The following CEMIP variants were observed in gnomAD, a reference collection of about 807,000 sequenced individuals.
The protein encoded by CEMIP is cell migration-inducing and hyaluronan-binding protein.
Under a neutral mutation model 156.9 loss-of-function variants are expected in CEMIP, and 105 were observed. The observed-to-expected ratio is 0.67, with a 90% CI of 0.57 to 0.79. The LOEUF (loss-of-function observed/expected upper bound fraction) is 0.79, where lower values mean the gene tolerates loss of function less well. Ranked by LOEUF, CEMIP falls within the 30% of genes least tolerant of loss-of-function variation. The pLI, the probability that CEMIP is intolerant of heterozygous loss-of-function variation, is 0.00. For missense variants in CEMIP, 1,457 were observed against 1,769.4 expected, an observed-to-expected ratio of 0.82 and a Z score of 3.17; for synonymous variants, 676 against 668.4, an observed-to-expected ratio of 1.01 and a Z score of -0.17.
At chr15:80,808,527 G>A (rs1405324128) in intron 1 of CEMIP, among the ~76,000 whole-genome samples, 2 of 152,060 alleles carry the variant, frequency 1.3e-5, no homozygotes, top group East Asian at 3.9e-4. Context: ...TAACAAGCCA[G>A]GATACAGTGG....
chr15:80,833,492 G>A (rs1897201417), intron 1 of CEMIP, among the ~76,000 whole-genome samples: 2 of 152,160 alleles, frequency 1.3e-5, no homozygotes, highest in Admixed American at 6.5e-5. Flanking sequence ...AAGGAATCAG[G>A]TTATATCCAA....
rs879379542 is a variant in CEMIP, at chr15:80,925,924, C to CA, written c.2420+177dup. On this transcript the variant is annotated intron_variant, in intron 19 of 29. Transcript: ENST00000394685. ...GCATAGAATGGCAGCAGGCAGTGGCCAAAAAAAACAAAACCTAAAAGCAGC... is the reference window on the plus strand; with the variant it reads ...GCATAGAATGGCAGCAGGCAGTGGCCAAAAAAAAACAAAACCTAAAAGCAGC... Among the ~76,000 whole-genome samples the CA allele has an allele frequency of 1.6e-4, 24 of 151,278 alleles. No homozygotes were observed. In the East Asian group the frequency reaches 2.5e-3, roughly 16 times the overall value.
At chr15:80,948,622 CAT>C (rs1415394473) in intron 29 of CEMIP, 173 bp from the exon 30 acceptor site, 8 of 839,620 alleles carry the variant, frequency 9.5e-6, no homozygotes, top group Non-Finnish European at 1.6e-5. Flanking sequence ...CATACAAACA[CAT>C]GTCAGGCACC....
chr15:80,804,897 T>C (rs1896474311), intron 1 of CEMIP, among the ~76,000 whole-genome samples: 1 of 152,158 alleles, frequency 6.6e-6, no homozygotes, highest in Non-Finnish European at 1.5e-5. Flanking sequence ...AATAAGGTTT[T>C]GGAAAGGCTT....
chr15:80,848,900 G>GCACACACA (rs3221932), intron 1 of CEMIP, among the ~76,000 whole-genome samples: 3,971 of 134,420 alleles, frequency 0.03, 127 homozygotes, highest in East Asian at 0.073. Flanking sequence ...GTGTGCGCGT[G>GCACACACA]CACACACACA....
rs529567560 is a variant in CEMIP, at chr15:80,839,521, G to A, written c.-175-34017G>A. Among the ~76,000 whole-genome samples, 8 of 152,250 alleles carry A rather than the reference G, an allele frequency of 5.3e-5. 1 individual carries two copies. The South Asian group carries it at 8.3e-4, about 16-fold the overall frequency. On this transcript the variant is annotated intron_variant, in intron 1 of 29. Transcript: ENST00000394685. ...CACCCGCAGCAGCAGCAGCGAAGCCGGCCAGACCTCCTGGCCTTCCTCACA... is the reference window on the plus strand; with the variant it reads ...CACCCGCAGCAGCAGCAGCGAAGCCAGCCAGACCTCCTGGCCTTCCTCACA...
rs545780007 is a variant in CEMIP, at chr15:80,825,175, A to G, written c.-176+45561A>G. 5.3e-5 allele frequency among the ~76,000 whole-genome samples: 8 copies of G among 152,320 alleles called. No individual in the cohort carries two copies. In the East Asian group the frequency reaches 9.6e-4, roughly 18 times the overall value. On this transcript the variant is annotated intron_variant, in intron 1 of 29. Transcript: ENST00000394685. Reference sequence around the variant, plus strand: ...TTGAGAGGTCTTGATATCACCATTTATAGGTGAAGACAATAACTAAGAGTT... The same window carrying G: ...TTGAGAGGTCTTGATATCACCATTTGTAGGTGAAGACAATAACTAAGAGTT...
At chr15:80,869,545 G>C (rs557774427) in intron 1 of CEMIP, among the ~76,000 whole-genome samples, 1 of 152,316 alleles carries the variant, frequency 6.6e-6, no homozygotes, top group South Asian at 2.1e-4. Context: ...AAGAGTGACT[G>C]TCTAGATTGT....
intron 1 of CEMIP, among the ~76,000 whole-genome samples, chr15:80,808,720 TA>T (rs1008240694): frequency 1.5e-4 from 19 of 123,214 alleles, no homozygotes; most frequent in South Asian, 5.0e-4. Context: ...CACTCCACAA[TA>T]AAAAAAAAAT....
intron 3 of CEMIP, among the ~76,000 whole-genome samples, chr15:80,876,894 G>A (rs754412421): frequency 8.0e-4 from 122 of 152,330 alleles, no homozygotes; most frequent in Middle Eastern, 3.4e-3. Context: ...GTATTAGTCT[G>A]TTTTCATGCT....
intron 28 of CEMIP, chr15:80,946,562 A>G (rs1037582163): frequency 1.0e-5 from 2 of 196,502 alleles, no homozygotes; most frequent in Non-Finnish European, 2.1e-5. Flanking sequence ...CCATCACCAC[A>G]TTTCTATCTG....
At chr15:80,842,159 G>A (rs2141710857) in intron 1 of CEMIP, 1 of 489,684 alleles carries the variant, frequency 2.0e-6, no homozygotes, top group South Asian at 1.6e-5. Flanking sequence ...ATTTGTACGT[G>A]TATTATATAT....
In CEMIP at chr15:80,807,943, C is replaced by T. The variant is rs559700789; in HGVS notation, c.-176+28329C>T. On this transcript the variant is annotated intron_variant, in intron 1 of 29. Coordinates refer to ENST00000394685, the MANE Select transcript of CEMIP (RefSeq NM_001293298.2). ...TGCTCCTGGACAGGGAGCACTTGTC[C>T]GCAGGCTCCTGCTGACAGCGTCCAC... Among the ~76,000 whole-genome samples, 10 of 152,262 alleles carry T rather than the reference C, an allele frequency of 6.6e-5. No homozygotes were observed. The South Asian group carries it at 1.7e-3, about 25-fold the overall frequency.
chr15:80,895,794 A>G, intron 11 of CEMIP, 75 bp from the exon 12 acceptor site: 1 of 1,360,874 alleles, frequency 7.3e-7, no homozygotes, highest in South Asian at 1.2e-5. Flanking sequence ...AGGGAGGGGA[A>G]GGGAAAAAAG....
chr15:80,930,793 C>A (rs1444553347), intron 21 of CEMIP, among the ~76,000 whole-genome samples: 2 of 152,192 alleles, frequency 1.3e-5, no homozygotes, highest in African/African-American at 4.8e-5. Context: ...TGGTCTCTCC[C>A]TGTGGGCAGA....
chr15:80,812,821 G>T (rs561908917), intron 1 of CEMIP, among the ~76,000 whole-genome samples: 3 of 152,308 alleles, frequency 2.0e-5, no homozygotes, highest in South Asian at 2.1e-4. Flanking sequence ...TGAAAGTGCT[G>T]TTAACAAACA....
chr15:80,893,964 T>C (rs1366013761), intron 10 of CEMIP, among the ~76,000 whole-genome samples: 1 of 152,114 alleles, frequency 6.6e-6, no homozygotes, highest in Non-Finnish European at 1.5e-5. Flanking sequence ...ATGATAGTCA[T>C]GGTCAGGATG....
intron 18 of CEMIP, 132 bp from the exon 19 acceptor site, chr15:80,925,492 G>A (rs1900622997): frequency 1.5e-5 from 19 of 1,239,734 alleles, no homozygotes; most frequent in Admixed American, 1.0e-4. Flanking sequence ...CAGGCAATGC[G>A]AATGGGTTTC....
chr15:80,794,838 A>G (rs1246097159), intron 1 of CEMIP, among the ~76,000 whole-genome samples: 1 of 152,176 alleles, frequency 6.6e-6, no homozygotes, highest in African/African-American at 2.4e-5. Flanking sequence ...GGCCAGTGAT[A>G]TGAAGAAAAG....
Sources: allele counts gnomAD v4.1 joint callset (sites outside exome capture counted in the v4.1 genomes callset), GRCh38; gene constraint gnomAD v4.1.1; transcripts MANE v1.5; gene names NCBI Gene and HGNC (gene_info 2026-07-23, HGNC 2026-07-21).